Variants in TNFRSF21 observed in about 807,000 individuals in gnomAD.
TNFRSF21 encodes TNF receptor superfamily member 21.
A neutral mutation model predicts 45.6 loss-of-function variants in TNFRSF21; 19 were observed. The observed-to-expected ratio is 0.42, with a 90% CI of 0.29 to 0.61. The LOEUF (loss-of-function observed/expected upper bound fraction) is 0.61. Ranked by LOEUF, TNFRSF21 falls within the 20% of genes least tolerant of loss-of-function variation. TNFRSF21 has a pLI of 0.23. For missense variants in TNFRSF21, 737 were observed against 851.5 expected (o/e 0.87, Z 1.67); for synonymous variants, 314 against 335.5 (o/e 0.94, Z 0.70).
chr6:47,296,004 T>C (rs1264698085), intron 1 of TNFRSF21, among the ~76,000 whole-genome samples: 3 of 152,180 alleles, frequency 2.0e-5, no homozygotes, highest in Non-Finnish European at 4.4e-5. Flanking sequence ...CAGGAGCGTG[T>C]ACACTCAGCA....
At chr6:47,237,273 T>C (rs986947588) in intron 4 of TNFRSF21, among the ~76,000 whole-genome samples, 2 of 152,196 alleles carry the variant, frequency 1.3e-5, no homozygotes, top group African/African-American at 4.8e-5. Flanking sequence ...CTAAAGTTGT[T>C]TTCACTTTTT....
At chr6:47,307,277 T>C (rs1247887630) in intron 1 of TNFRSF21, among the ~76,000 whole-genome samples, 1 of 152,200 alleles carries the variant, frequency 6.6e-6, no homozygotes, top group Non-Finnish European at 1.5e-5. Context: ...CTAAGCCCCA[T>C]TATAAATTTT....
In TNFRSF21 at chr6:47,286,536, G is replaced by C; in HGVS notation, c.156C>G (p.Gly52=). The C allele has an allele frequency of 6.2e-7, 1 of 1,613,508 alleles. No individual in the cohort carries two copies. Among genetic ancestry groups the C allele is most frequent in the Non-Finnish European group, 8.5e-7 (1 of 1,179,450 alleles). ...QPEQKASNLI[G]TYRHVDRATG... Reference sequence around the variant, plus strand: ...TGGCACGGTCAACATGGCGGTATGTGCCAATGAGATTCGAGGCCTTCTGTT... The same window carrying C: ...TGGCACGGTCAACATGGCGGTATGTCCCAATGAGATTCGAGGCCTTCTGTT... The change falls in exon 2 of 6, where the codon GGC becomes GGG. Residue 52 remains glycine, a synonymous_variant. Coordinates refer to ENST00000296861, the MANE Select transcript of TNFRSF21 (RefSeq NM_014452.5).
intron 3 of TNFRSF21, among the ~76,000 whole-genome samples, chr6:47,280,671 T>G (rs995148515): frequency 6.6e-6 from 1 of 152,172 alleles, no homozygotes; most frequent in Non-Finnish European, 1.5e-5. Flanking sequence ...TTTTACAAAA[T>G]AGGATATTGT....
intron 4 of TNFRSF21, 62 bp downstream of exon 4, chr6:47,253,194 T>C: frequency 3.8e-6 from 6 of 1,566,534 alleles, no homozygotes; most frequent in Non-Finnish European, 5.2e-6. Flanking sequence ...ATACAACTGA[T>C]AAAATTTGAA....
intron 1 of TNFRSF21, among the ~76,000 whole-genome samples, chr6:47,304,073 G>C (rs1190719926): frequency 6.6e-6 from 1 of 152,084 alleles, no homozygotes; most frequent in East Asian, 1.9e-4. Context: ...AGATAACCTG[G>C]GCTCTTCTTG....
At chr6:47,253,134 G>A in intron 4 of TNFRSF21, 122 bp downstream of exon 4, 2 of 1,173,064 alleles carry the variant, frequency 1.7e-6, no homozygotes, top group East Asian at 5.2e-5. Flanking sequence ...GCGTATGCGT[G>A]TGTGTGTGTG....
At chr6:47,257,221 GA>G (rs1440943835) in intron 3 of TNFRSF21, among the ~76,000 whole-genome samples, 1 of 147,206 alleles carries the variant, frequency 6.8e-6, no homozygotes, top group Non-Finnish European at 1.5e-5. Flanking sequence ...ACAAAATAAA[GA>G]AAAAAAGAAA....
At position 47,286,362 on chromosome 6, in the gene TNFRSF21, A is replaced by G. The variant is rs1762648923; in HGVS notation, c.330T>C (p.Ser110=). The G allele has an allele frequency of 6.2e-7, 1 of 1,614,088 alleles. No individual in the cohort carries two copies. Among genetic ancestry groups the G allele is most frequent in the Non-Finnish European group, 8.5e-7 (1 of 1,180,034 alleles). ...ENGIEKCHDC[S]QPCPWPMIEK... ...CAATCATTGGCCATGGGCATGGCTGACTACAGTCATGGCATTTCTCTATGC... is the reference window on the plus strand; with the variant it reads ...CAATCATTGGCCATGGGCATGGCTGGCTACAGTCATGGCATTTCTCTATGC... Residue 110 remains serine (S), a synonymous_variant, in exon 2 of 6, where the codon AGT becomes AGC. Transcript: ENST00000296861.
chr6:47,251,544 AT>A lies in TNFRSF21; in HGVS notation c.1509+1711del. Among the ~76,000 whole-genome samples, 2 of 152,274 alleles carry A rather than the reference AT, an allele frequency of 1.3e-5. 1 individual carries two copies. Among genetic ancestry groups the A allele is most frequent in the South Asian group, 4.1e-4 (2 of 4,824 alleles). ...TGCACTCTCACCTTCTTATTTTTCC[AT>A]GGGCCCACCACAGGTTTGGGTTAAC... On this transcript the variant is annotated intron_variant, in intron 4 of 5. Transcript: ENST00000296861.
chr6:47,289,916 C>T (rs1167546812), intron 1 of TNFRSF21, among the ~76,000 whole-genome samples: 1 of 152,070 alleles, frequency 6.6e-6, no homozygotes, highest in Non-Finnish European at 1.5e-5. Flanking sequence ...ATTGCTTGAG[C>T]CTGGGAGGCG....
chr6:47,306,196 C>T (rs1762937500), intron 1 of TNFRSF21, among the ~76,000 whole-genome samples: 1 of 152,226 alleles, frequency 6.6e-6, no homozygotes, highest in Admixed American at 6.5e-5. Flanking sequence ...TTTCTATTAT[C>T]ATGCAGACAC....
chr6:47,280,084 T>G (rs562164830), intron 3 of TNFRSF21, among the ~76,000 whole-genome samples: 218 of 152,282 alleles, frequency 1.4e-3, no homozygotes, highest in South Asian at 5.0e-3. Flanking sequence ...TAAAAGAGGT[T>G]TTTGTTCGCA....
intron 3 of TNFRSF21, among the ~76,000 whole-genome samples, chr6:47,281,008 G>A (rs1762559947): frequency 6.6e-6 from 1 of 152,108 alleles, no homozygotes; most frequent in African/African-American, 2.4e-5. Flanking sequence ...ATCCTGACTA[G>A]GCACTTACAG....
intron 2 of TNFRSF21, 57 bp downstream of exon 2, chr6:47,285,887 G>A: frequency 1.3e-6 from 2 of 1,565,572 alleles, no homozygotes; most frequent in Non-Finnish European, 1.7e-6. Context: ...CCCACTCTTG[G>A]TACCTCCACT....
rs1762650302 is a variant in TNFRSF21 at position 47,286,424 on chromosome 6, T to C, written c.268A>G (p.Ser90Gly). The change falls in exon 2 of 6, where the codon AGT (serine) becomes GGT (glycine). Residue 90 changes from serine (S) to glycine (G), a missense_variant. Physicochemically the swap from Ser to Gly is moderately conservative, Grantham distance 56. Transcript: ENST00000296861. ...CTNTSLRVCS[S>G]CPVGTFTRHE... ...CTGGTAAAGGTCCCCACAGGGCAAC[T>C]GCTGCAGACGCGCAGGCTTGTGTTG... 1 of 1,614,246 alleles carries C rather than the reference T, an allele frequency of 6.2e-7. No homozygotes were observed. The highest frequency in any genetic ancestry group is 1.1e-5 in the South Asian group (1 of 91,084).
At chr6:47,303,296 C>G (rs1762896857) in intron 1 of TNFRSF21, among the ~76,000 whole-genome samples, 1 of 152,220 alleles carries the variant, frequency 6.6e-6, no homozygotes, top group African/African-American at 2.4e-5. Context: ...TATGACTTAG[C>G]TTACTAAGTG....
chr6:47,306,783 T>C (rs1466723276), intron 1 of TNFRSF21, among the ~76,000 whole-genome samples: 1 of 152,134 alleles, frequency 6.6e-6, no homozygotes, highest in Non-Finnish European at 1.5e-5. Flanking sequence ...AGGGAGATAT[T>C]TGAAAGAAGA....
chr6:47,264,470 G>A (rs139997492), intron 3 of TNFRSF21, among the ~76,000 whole-genome samples: 1,945 of 134,844 alleles, frequency 0.014, 39 homozygotes, highest in African/African-American at 0.052. Context: ...AGCTGAGATC[G>A]CGCCACTGCA....
Sources: gnomAD v4.1 joint callset for allele counts (sites outside exome capture counted in the v4.1 genomes callset) on GRCh38, gnomAD v4.1.1 for gene constraint, MANE v1.5 for transcripts, NCBI Gene and HGNC (gene_info 2026-07-23, HGNC 2026-07-21) for gene names.